Variants in NXPE2 observed in about 807,000 individuals in gnomAD.
NXPE2 encodes neurexophilin and PC-esterase domain family member 2, also known as NXPE family member 2.
A neutral mutation model predicts 34.4 loss-of-function variants in NXPE2; 34 were observed. That is an observed-to-expected ratio of 0.99 (90% CI 0.75 to 1.31). NXPE2 has a LOEUF of 1.31. NXPE2 is among the 40% of genes most tolerant of loss of function. The pLI is 0.00. For missense variants in NXPE2, 649 were observed against 672.5 expected (o/e 0.97, Z 0.39); for synonymous variants, 235 against 231.3 (o/e 1.02, Z -0.15).
At chr11:114,727,962 T>C in the NXPE2 span, among the ~76,000 whole-genome samples, 2 of 152,048 alleles carry the variant, frequency 1.3e-5, no homozygotes, top group Non-Finnish European at 2.9e-5. Flanking sequence ...AATTAGTCCA[T>C]AAGGATAAAG....
the NXPE2 span, among the ~76,000 whole-genome samples, chr11:114,611,516 A>C: frequency 8.6e-5 from 13 of 152,032 alleles, no homozygotes; most frequent in African/African-American, 2.9e-4. Context: ...CTCATGAGTA[A>C]CCACTGTTAC....
the NXPE2 span, among the ~76,000 whole-genome samples, chr11:114,624,734 C>G: frequency 0.016 from 2,412 of 152,184 alleles, 26 homozygotes; most frequent in Non-Finnish European, 0.022. Context: ...TAAGTATTGC[C>G]TCCAGGGTAA....
chr11:114,813,002 G>T, the NXPE2 span, among the ~76,000 whole-genome samples: 1 of 152,128 alleles, frequency 6.6e-6, no homozygotes, highest in Admixed American at 6.5e-5. Context: ...CGGCAGCGAG[G>T]TGCCCTGCTG....
the NXPE2 span, among the ~76,000 whole-genome samples, chr11:114,542,420 G>A: frequency 6.6e-6 from 1 of 152,216 alleles, no homozygotes; most frequent in East Asian, 1.9e-4. Flanking sequence ...TAATTGAAAA[G>A]TTTGATATGA....
At chr11:114,678,326 C>G (rs968593074), upstream of NXPE2, 10 of 389,248 alleles carry the variant, frequency 2.6e-5, no homozygotes, top group African/African-American at 1.8e-4. Flanking sequence ...AATTAGATGT[C>G]CAGTCTCTAA....
At chr11:114,625,240 C>T in the NXPE2 span, among the ~76,000 whole-genome samples, 2 of 152,164 alleles carry the variant, frequency 1.3e-5, no homozygotes, top group African/African-American at 2.4e-5. Context: ...CGTATTGCCT[C>T]GTGGGTTACC....
chr11:114,633,727 T>C, the NXPE2 span, among the ~76,000 whole-genome samples: 1 of 151,836 alleles, frequency 6.6e-6, no homozygotes, highest in Admixed American at 6.6e-5. Context: ...TGGTTTTTTG[T>C]CCTTGCGATT....
the NXPE2 span, among the ~76,000 whole-genome samples, chr11:114,609,121 C>T: frequency 5.1e-4 from 77 of 151,388 alleles, 1 homozygote; most frequent in African/African-American, 1.7e-3. Context: ...TACTGTTACC[C>T]GGTGGATAAT....
chr11:114,750,311 G>A, the NXPE2 span, among the ~76,000 whole-genome samples: 251 of 152,290 alleles, frequency 1.6e-3, 1 homozygote, highest in African/African-American at 5.5e-3. Flanking sequence ...GCTGTCACAT[G>A]TCTGCGGACA....
the NXPE2 span, among the ~76,000 whole-genome samples, chr11:114,651,873 C>A: frequency 6.6e-6 from 1 of 152,144 alleles, no homozygotes; most frequent in Non-Finnish European, 1.5e-5. Context: ...GACCCAGAAG[C>A]CCAGCTGGCT....
chr11:114,662,970 A>G, the NXPE2 span, among the ~76,000 whole-genome samples: 24 of 152,252 alleles, frequency 1.6e-4, no homozygotes, highest in African/African-American at 5.8e-4. Context: ...CTCAGCCACA[A>G]TGGAGGAGAG....
the NXPE2 span, among the ~76,000 whole-genome samples, chr11:114,537,438 A>T: frequency 6.6e-6 from 1 of 152,198 alleles, no homozygotes; most frequent in African/African-American, 2.4e-5. Flanking sequence ...CAAGAAAATG[A>T]GGCAGGAGAA....
At chr11:114,468,976 G>A in the NXPE2 span, among the ~76,000 whole-genome samples, 1 of 151,824 alleles carries the variant, frequency 6.6e-6, no homozygotes, top group African/African-American at 2.4e-5. Context: ...TACAGACAGG[G>A]TAATTTTTTT....
the NXPE2 span, among the ~76,000 whole-genome samples, chr11:114,526,305 C>T: frequency 1.8e-4 from 28 of 152,172 alleles, no homozygotes; most frequent in African/African-American, 6.5e-4. Context: ...TTTAAAGCCA[C>T]TTTATTATAG....
At chr11:114,556,038 G>A in the NXPE2 span, among the ~76,000 whole-genome samples, 1 of 152,188 alleles carries the variant, frequency 6.6e-6, no homozygotes, top group Admixed American at 6.5e-5. Context: ...TGGAATGACA[G>A]GGCCATATGG....
the NXPE2 span, among the ~76,000 whole-genome samples, chr11:114,786,124 C>T: frequency 3.9e-3 from 587 of 152,254 alleles, 3 homozygotes; most frequent in African/African-American, 0.013. Flanking sequence ...GAGCCCAGGA[C>T]GGTACTCCTG....
the NXPE2 span, chr11:114,552,754 A>G: frequency 2.8e-5 from 11 of 386,858 alleles, no homozygotes; most frequent in Non-Finnish European, 2.8e-5. Flanking sequence ...CAGCATTGAA[A>G]AAAAAGTATG....
chr11:114,784,282 G>A, the NXPE2 span, among the ~76,000 whole-genome samples: 8 of 152,286 alleles, frequency 5.3e-5, no homozygotes, highest in Admixed American at 1.3e-4. Context: ...GGCTAATCCC[G>A]CAGCTCCCAA....
At chr11:114,543,837 C>T in the NXPE2 span, among the ~76,000 whole-genome samples, 1 of 152,050 alleles carries the variant, frequency 6.6e-6, no homozygotes. Context: ...AGAATCTACC[C>T]AAAGAATCTA....
Sources: allele counts gnomAD v4.1 joint callset (sites outside exome capture counted in the v4.1 genomes callset), GRCh38; gene constraint gnomAD v4.1.1; transcripts MANE v1.5; gene names NCBI Gene and HGNC (gene_info 2026-07-23, HGNC 2026-07-21).